Variants in GPC6 observed in about 807,000 individuals in gnomAD.
The protein encoded by GPC6 is glypican-6.
In GPC6, 14 loss-of-function variants were observed where a neutral mutation model predicts 55.2. That is an observed-to-expected ratio of 0.25 (90% CI 0.17 to 0.40). The LOEUF (loss-of-function observed/expected upper bound fraction) is 0.40, where lower values mean the gene tolerates loss of function less well. GPC6 is among the 10% of genes least tolerant of loss of function. The pLI is 1.00. For missense variants in GPC6, 641 were observed against 708.5 expected (o/e 0.90, Z 1.08); for synonymous variants, 278 against 259.6 (o/e 1.07, Z -0.68).
chr13:93,306,022 T>C (rs1235108488), intron 1 of GPC6, among the ~76,000 whole-genome samples: 2 of 152,198 alleles, frequency 1.3e-5, no homozygotes, highest in Non-Finnish European at 2.9e-5. Flanking sequence ...GGAGGGTTAG[T>C]ATATTCAGTA....
intron 1 of GPC6, among the ~76,000 whole-genome samples, chr13:93,299,501 A>C (rs1403298049): frequency 6.6e-6 from 1 of 152,220 alleles, no homozygotes; most frequent in Non-Finnish European, 1.5e-5. Flanking sequence ...ATTTACCTAA[A>C]ATAATGGTTA....
At chr13:93,928,285 G>A (rs936197664) in intron 3 of GPC6, among the ~76,000 whole-genome samples, 2 of 152,176 alleles carry the variant, frequency 1.3e-5, no homozygotes, top group Admixed American at 6.5e-5. Flanking sequence ...AAAGAGCAGT[G>A]TGGGAATGAA....
intron 4 of GPC6, among the ~76,000 whole-genome samples, chr13:94,109,174 C>A (rs114806088): frequency 6.6e-6 from 1 of 152,154 alleles, no homozygotes; most frequent in Non-Finnish European, 1.5e-5. Flanking sequence ...AAGCAGAGAT[C>A]GTTTGCATAA....
chr13:93,616,244 T>C (rs1389628843), intron 2 of GPC6, among the ~76,000 whole-genome samples: 4 of 152,082 alleles, frequency 2.6e-5, no homozygotes, highest in Non-Finnish European at 4.4e-5. Flanking sequence ...ATTGAATTGT[T>C]ATGTAATTCA....
chr13:93,585,385 A>C (rs1019613509), intron 2 of GPC6, among the ~76,000 whole-genome samples: 2 of 152,162 alleles, frequency 1.3e-5, no homozygotes, highest in African/African-American at 4.8e-5. Context: ...AATAACAGTT[A>C]ATATTGGAAT....
At chr13:94,089,317 A>G (rs1261034971) in intron 4 of GPC6, among the ~76,000 whole-genome samples, 1 of 152,172 alleles carries the variant, frequency 6.6e-6, no homozygotes, top group Admixed American at 6.5e-5. Context: ...CAATCTAGCC[A>G]AAGACTTTCA....
intron 6 of GPC6, among the ~76,000 whole-genome samples, chr13:94,371,745 A>G (rs898942353): frequency 2.6e-5 from 4 of 152,194 alleles, no homozygotes; most frequent in African/African-American, 9.6e-5. Flanking sequence ...TGGGGAAAAA[A>G]ATAGTAAAAT....
At chr13:93,407,424 G>A (rs996148747) in intron 1 of GPC6, among the ~76,000 whole-genome samples, 9 of 151,960 alleles carry the variant, frequency 5.9e-5, no homozygotes, top group African/African-American at 2.2e-4. Context: ...TGTATTTTAT[G>A]GCTGAGACCG....
At chr13:93,762,975 GA>G (rs1315153885) in intron 2 of GPC6, among the ~76,000 whole-genome samples, 1 of 152,150 alleles carries the variant, frequency 6.6e-6, no homozygotes, top group African/African-American at 2.4e-5. Flanking sequence ...GTGCACCTTG[GA>G]AAAGATTTAT....
intron 3 of GPC6, among the ~76,000 whole-genome samples, chr13:94,011,365 G>T (rs2138699444): frequency 6.6e-6 from 1 of 152,218 alleles, no homozygotes; most frequent in Admixed American, 6.5e-5. Context: ...ATTATTTGGG[G>T]AAACTATATT....
At chr13:93,408,216 A>C (rs1012547915) in intron 1 of GPC6, among the ~76,000 whole-genome samples, 1 of 152,192 alleles carries the variant, frequency 6.6e-6, no homozygotes, top group East Asian at 1.9e-4. Context: ...GGTTGAGAGC[A>C]TGTGAAATAA....
In GPC6 at chr13:94,081,844, C is replaced by CTTTTTTTTTTTTTTTT. The variant is rs201141414; in HGVS notation, c.877+53964_877+53965insTTTTTTTTTTTTTTTT. On this transcript the variant is annotated intron_variant, in intron 4 of 8. Transcript: ENST00000377047. The stretch of plus-strand genomic sequence containing the variant: ...CATGTCTATGCCTTCTACTACTTTC[C>CTTTTTTTTTTTTTTTT]TTTTTTTTTTTTTTGAGACACAGTC... Among the ~76,000 whole-genome samples the CTTTTTTTTTTTTTTTT allele has an allele frequency of 1.2e-3, 153 of 132,926 alleles. 5 individuals carry two copies. Among genetic ancestry groups the CTTTTTTTTTTTTTTTT allele is most frequent in the African/African-American group, 3.4e-3 (119 of 35,492 alleles). 87.2% of individuals were successfully genotyped at this position (132,926 alleles called of 152,430 possible).
At chr13:93,479,878 G>A (rs940123724) in intron 1 of GPC6, among the ~76,000 whole-genome samples, 17 of 152,094 alleles carry the variant, frequency 1.1e-4, no homozygotes, top group Admixed American at 1.1e-3. Context: ...TGGAGAGTGA[G>A]ACAGAAACAG....
chr13:93,977,038 C>A (rs1308952659), intron 3 of GPC6, among the ~76,000 whole-genome samples: 1 of 152,044 alleles, frequency 6.6e-6, no homozygotes, highest in Non-Finnish European at 1.5e-5. Flanking sequence ...CGGCTCCTAG[C>A]CTGCAGTTGG....
intron 4 of GPC6, among the ~76,000 whole-genome samples, chr13:94,257,785 C>T (rs1214260507): frequency 6.6e-6 from 1 of 152,128 alleles, no homozygotes; most frequent in Non-Finnish European, 1.5e-5. Flanking sequence ...ACCGCCCTGG[C>T]AAAAGAGACC....
At chr13:94,352,580 G>A (rs1340788023) in intron 6 of GPC6, among the ~76,000 whole-genome samples, 2 of 151,910 alleles carry the variant, frequency 1.3e-5, no homozygotes, top group Middle Eastern at 3.4e-3. Context: ...CCCTCTGCTG[G>A]CTAGTCCAGA....
At chr13:93,556,373 A>AGT (rs56706276) in intron 2 of GPC6, among the ~76,000 whole-genome samples, 375 of 134,178 alleles carry the variant, frequency 2.8e-3, no homozygotes, top group Middle Eastern at 7.7e-3. Flanking sequence ...GTGGGTAAAT[A>AGT]GTGTGTGTGT....
Position 93,790,053 on chromosome 13 carries a change from T to C in GPC6, c.320-40101T>C, listed in dbSNP as rs182183596. Among the ~76,000 whole-genome samples the C allele has an allele frequency of 3.1e-4, 47 of 152,304 alleles. No individual in the cohort carries two copies. In the East Asian group the frequency reaches 8.9e-3, roughly 29 times the overall value. ...AAATGTGGCAACATGTATGATGCCA[T>C]CTTCAAATGTCAGTAGTAAGAACCA... On this transcript the variant is annotated intron_variant, in intron 2 of 8. Transcript: ENST00000377047.
In GPC6 at chr13:94,404,600, A is replaced by C. The variant is rs1252130147; in HGVS notation, c.*1383A>C. The C allele has an allele frequency of 2.0e-5, 3 of 152,224 alleles. No individual in the cohort carries two copies. Among genetic ancestry groups the C allele is most frequent in the South Asian group, 2.1e-4 (1 of 4,824 alleles). The allele number at this position is 152,224 out of a possible 1,614,324, so 9.4% of individuals were successfully genotyped here. A position where few individuals can be genotyped will look rare whatever the true frequency, so the allele number is the denominator to read the frequency against. ...AATTTGCCAGGGCACACCCTTCTGC[A>C]TGAGTGTGCTTCAGCCTGGGTGCTC... On this transcript the variant is annotated 3_prime_UTR_variant, in exon 9 of 9. Coordinates refer to ENST00000377047, the MANE Select transcript of GPC6 (RefSeq NM_005708.5).
Sources: allele counts gnomAD v4.1 joint callset (sites outside exome capture counted in the v4.1 genomes callset), GRCh38; gene constraint gnomAD v4.1.1; transcripts MANE v1.5; gene names NCBI Gene and HGNC (gene_info 2026-07-23, HGNC 2026-07-21).